TSPAN32: variants seen among roughly 807,000 people sequenced by gnomAD.
TSPAN32 encodes the protein tetraspanin-32.
A neutral mutation model predicts 42.7 loss-of-function variants in TSPAN32; 47 were observed. That is an observed-to-expected ratio of 1.10 (90% CI 0.87 to 1.40). TSPAN32 has a LOEUF of 1.40. Among genes scored for constraint, TSPAN32 ranks in the 40% most tolerant of loss-of-function variants. The probability of loss-of-function intolerance (pLI) is 0.00; values close to 1 mark genes in which losing one functional copy is unlikely to be tolerated. For synonymous variants in TSPAN32, 175 were observed against 175.9 expected, an observed-to-expected ratio of 0.99 and a Z score of 0.04; for missense variants, 469 against 424.1, an observed-to-expected ratio of 1.11 and a Z score of -0.93.
intron 6 of TSPAN32, chr11:2,315,641 C>T: frequency 8.4e-7 from 1 of 1,186,346 alleles, no homozygotes; most frequent in Non-Finnish European, 1.1e-6. Flanking sequence ...GCCCTGAGAC[C>T]CTGCGGAGGC....
chr11:2,316,203 G>T (rs552404519), intron 6 of TSPAN32, 26 bp from the exon 7 acceptor site: 5 of 1,536,998 alleles, frequency 3.3e-6, no homozygotes, highest in Non-Finnish European at 4.4e-6. Flanking sequence ...CTCAGGGCGG[G>T]TACCATGCCT....
chr11:2,310,388 C>T (rs1318292995), intron 4 of TSPAN32, among the ~76,000 whole-genome samples: 1 of 152,204 alleles, frequency 6.6e-6, no homozygotes, highest in Non-Finnish European at 1.5e-5. Context: ...TGGCCTGTCC[C>T]AGCCCCAGGC....
In TSPAN32 at chr11:2,309,598, G is replaced by A. The variant is rs537879192; in HGVS notation, c.354+788G>A. On this transcript the variant is annotated intron_variant, in intron 4 of 9. Coordinates refer to ENST00000182290, the MANE Select transcript of TSPAN32 (RefSeq NM_139022.3). ...GGCAGGAGAGCCTGGCAGGTCACAA[G>A]AGGTGATTTCTTGGAGCCCTAGCTG... 1.2e-3 allele frequency: 363 copies of A among 297,474 alleles called. 2 individuals carry two copies. The highest frequency in any genetic ancestry group is 7.3e-3 in the South Asian group (267 of 36,528). The allele number at this position is 297,474 out of a possible 1,614,324, so 18.4% of individuals were successfully genotyped here.
rs758260127 is a variant in TSPAN32 at position 2,308,790 on chromosome 11, A to G, written c.334A>G (p.Arg112Gly). 7.6e-6 allele frequency: 12 copies of G among 1,570,406 alleles called. No individual in the cohort carries two copies. Among genetic ancestry groups the G allele is most frequent in the Non-Finnish European group, 1.0e-5 (12 of 1,157,884 alleles). ...CGCACAGGTGCAGGTGGTGTTCTGG[A>G]GACTCCACAGCCCCACCCAGGTGAG... is the stretch of plus-strand genomic sequence containing the variant. ...FCAQVQVVFW[R>G]LHSPTQVEDA... The change falls in exon 4 of 10, where the codon AGA becomes GGA. Residue 112 changes from arginine (R) to glycine (G), a missense_variant. Arg to Gly is a moderately radical substitution (Grantham distance 125). Transcript: ENST00000182290.
intron 5 of TSPAN32, 31 bp from the exon 6 acceptor site, chr11:2,314,454 C>T (rs749367125): frequency 4.6e-5 from 73 of 1,576,770 alleles, no homozygotes; most frequent in Non-Finnish European, 6.2e-5. Context: ...CTCGGGAGCA[C>T]ATCACCACTC....
At position 2,316,710 on chromosome 11, in the gene TSPAN32, C is replaced by T. The variant is rs747963561; in HGVS notation, c.719+43C>T. On this transcript the variant is annotated intron_variant, in intron 8 of 9. Transcript: ENST00000182290. The stretch of plus-strand genomic sequence containing the variant: ...CCCCCACACCCTCTGGAAGGGTCCT[C>T]CAGCTCTGCTCGAGAGGCATCTGCT... 32 of 1,503,772 alleles carry T rather than the reference C, an allele frequency of 2.1e-5. No individual in the cohort carries two copies. In the South Asian group the frequency reaches 4.0e-4, roughly 19 times the overall value. The allele number at this position is 1,503,772 out of a possible 1,614,324, so 93.2% of individuals were successfully genotyped here.
chr11:2,306,020 A>AGGTGCCTC (rs1564956682), intron 3 of TSPAN32, among the ~76,000 whole-genome samples: 2 of 133,530 alleles, frequency 1.5e-5, no homozygotes, highest in Non-Finnish European at 3.3e-5. Flanking sequence ...GTGTGTGTGC[A>AGGTGCCTC]TGTGTGTGTG....
Position 2,304,673 on chromosome 11 carries a change from C to G in TSPAN32, c.279+469C>G, listed in dbSNP as rs1318796328. Among the ~76,000 whole-genome samples the G allele has an allele frequency of 6.6e-6, 1 of 152,006 alleles. No homozygotes were observed. The highest frequency in any genetic ancestry group is 2.1e-4 in the South Asian group (1 of 4,822). On this transcript the variant is annotated intron_variant, in intron 3 of 9. Coordinates refer to ENST00000182290, the MANE Select transcript of TSPAN32 (RefSeq NM_139022.3). This position sits in a 1 kb window ranked among gnomAD's most constrained non-coding sequence, Gnocchi z 4.8. The stretch of plus-strand genomic sequence containing the variant: ...CCCCTTGAGCTCTCCAGCCTGGGCT[C>G]TCCGGAGCTGCACACTCTCCTTCCC...
intron 3 of TSPAN32, among the ~76,000 whole-genome samples, chr11:2,306,594 C>G (rs1442110216): frequency 6.6e-6 from 1 of 151,284 alleles, no homozygotes; most frequent in Non-Finnish European, 1.5e-5. Flanking sequence ...GCCGTGGATG[C>G]TCTTTCTCCT....
chr11:2,315,546 G>A (rs1848735729), intron 6 of TSPAN32: 1 of 1,168,070 alleles, frequency 8.6e-7, no homozygotes, highest in Non-Finnish European at 1.1e-6. Context: ...GGAAGAGCCA[G>A]CACAGGCGGC....
rs750786852 is a variant in TSPAN32 at position 2,302,888 on chromosome 11, CG to C, written c.115del (p.Ala39ProfsTer28). The C allele has an allele frequency of 6.2e-7, 1 of 1,613,694 alleles. No individual in the cohort carries two copies. The highest frequency in any genetic ancestry group is 1.7e-5 in the Admixed American group (1 of 60,018). ...CCACCATGGTGACTCTTACCTACTT[CG>C]GGGCCCACTTTGCTGTCATCCGCCG... ...VATMVTLTYF[G>X]AHFAVIRRAS... On this transcript the variant is annotated frameshift_variant, in exon 2 of 10. Transcript: ENST00000182290. LOFTEE classifies it high-confidence loss of function.
At position 2,304,109 on chromosome 11, in the gene TSPAN32, T is replaced by C; in HGVS notation, c.184T>C (p.Phe62Leu). 1 of 1,579,412 alleles carries C rather than the reference T, an allele frequency of 6.3e-7. No homozygotes were observed. The highest frequency in any genetic ancestry group is 1.2e-5 in the South Asian group (1 of 86,286). The change falls in exon 3 of 10, where the codon TTC becomes CTC. Residue 62 changes from phenylalanine to leucine, a missense_variant and splice_region_variant. By Grantham distance (22) the Phe-to-Leu change is conservative. Coordinates refer to ENST00000182290, the MANE Select transcript of TSPAN32 (RefSeq NM_139022.3). The surrounding 1 kb of genome is among the most constrained non-coding windows in gnomAD (Gnocchi z 4.8). ...NPYQAVHQWA[F>L]SAGLSLVGLL... ...TCCTCCTCTCTCCTCCCAACCAGCCTTCTCTGCGGGGTTGAGCCTGGTGGG... is the reference window on the plus strand; with the variant it reads ...TCCTCCTCTCTCCTCCCAACCAGCCCTCTCTGCGGGGTTGAGCCTGGTGGG...
At position 2,314,561 on chromosome 11, in the gene TSPAN32, C is replaced by T. The variant is rs780310923; in HGVS notation, c.533C>T (p.Ala178Val). The T allele has an allele frequency of 9.9e-6, 16 of 1,608,674 alleles. No individual in the cohort carries two copies. The highest frequency in any genetic ancestry group is 1.6e-4 in the Middle Eastern group (1 of 6,074). ...TEADLCQGEE[A>V]AREDCLQGIR... Reference sequence around the variant, plus strand: ...GCTGACCTGTGTCAGGGAGAGGAGGCGGCGAGAGAGGTGAGGGGGGGACCT... The same window carrying T: ...GCTGACCTGTGTCAGGGAGAGGAGGTGGCGAGAGAGGTGAGGGGGGGACCT... The change falls in exon 6 of 10, where the codon GCG becomes GTG. Residue 178 changes from alanine to valine, a missense_variant. Coordinates refer to ENST00000182290, the MANE Select transcript of TSPAN32 (RefSeq NM_139022.3).
At chr11:2,307,948 G>A (rs781158855) in intron 3 of TSPAN32, among the ~76,000 whole-genome samples, 17 of 152,312 alleles carry the variant, frequency 1.1e-4, no homozygotes, top group Non-Finnish European at 2.1e-4. Flanking sequence ...GCTAGCTGGT[G>A]CCTTGTTTCA....
chr11:2,305,793 G>T (rs1259603644), intron 3 of TSPAN32, among the ~76,000 whole-genome samples: 1 of 152,196 alleles, frequency 6.6e-6, no homozygotes, highest in Non-Finnish European at 1.5e-5. Flanking sequence ...GGGTCCTGAG[G>T]ACACTCCAGT....
rs961177333 is a variant in TSPAN32 at position 2,313,163 on chromosome 11, G to A, written c.355-491G>A. Among the ~76,000 whole-genome samples the A allele has an allele frequency of 5.3e-5, 8 of 152,082 alleles. No homozygotes were observed. The highest frequency in any genetic ancestry group is 9.7e-5 in the African/African-American group (4 of 41,404). On this transcript the variant is annotated intron_variant, in intron 4 of 9. Transcript: ENST00000182290. The surrounding 1 kb of genome is among the most constrained non-coding windows in gnomAD (Gnocchi z 9.1). ...GCTTCTCTGGTCAAAAGCCTTACCC[G>A]GAGCCCAGCTGCCCGGGCTTCCAGA...
rs948287464 is a variant in TSPAN32, at chr11:2,318,057, C to T, written c.*133C>T. On this transcript the variant is annotated 3_prime_UTR_variant, in exon 10 of 10. Coordinates refer to ENST00000182290, the MANE Select transcript of TSPAN32 (RefSeq NM_139022.3). This position sits in a 1 kb window ranked among gnomAD's most constrained non-coding sequence, Gnocchi z 4.2. ...AGGTTCCCAAGTCCTTGTCCCTGGT[C>T]CTGTGGTCCCTCCACCTTCAAACCA... The T allele has an allele frequency of 5.0e-6, 3 of 595,368 alleles. No individual in the cohort carries two copies. Among genetic ancestry groups the T allele is most frequent in the East Asian group, 5.7e-5 (2 of 34,962 alleles). The allele number at this position is 595,368 out of a possible 1,614,324, so 36.9% of individuals were successfully genotyped here. A position where few individuals can be genotyped will look rare whatever the true frequency, so the allele number is the denominator to read the frequency against.
intron 6 of TSPAN32, chr11:2,315,668 A>T: frequency 8.4e-7 from 1 of 1,191,004 alleles, no homozygotes; most frequent in African/African-American, 1.6e-5. Flanking sequence ...AGGCCGCCCC[A>T]GTTGCCATCA....
Position 2,314,618 on chromosome 11 carries a change from G to T in TSPAN32, c.543+47G>T, listed in dbSNP as rs768119040. ...TGGCCAGGCAAGACCCTCGGGGGCT[G>T]GACACCCTGGGGCCCAACCCCAAGA... is the stretch of plus-strand genomic sequence containing the variant. On this transcript the variant is annotated intron_variant, in intron 6 of 9. Transcript: ENST00000182290. 7.4e-6 allele frequency: 11 copies of T among 1,495,668 alleles called. No homozygotes were observed. The East Asian group carries it at 2.4e-4, about 32-fold the overall frequency. The allele number at this position is 1,495,668 out of a possible 1,614,324, so 92.6% of individuals were successfully genotyped here.
Sources: gnomAD v4.1 joint callset for allele counts (sites outside exome capture counted in the v4.1 genomes callset) on GRCh38, gnomAD v4.1.1 for gene constraint, Gnocchi (gnomAD v3.1) non-coding constraint, MANE v1.5 for transcripts, NCBI Gene and HGNC (gene_info 2026-07-23, HGNC 2026-07-21) for gene names.